Variants in RNF168 observed in about 807,000 individuals in gnomAD.
RNF168 encodes the protein ring finger protein 168.
Under a neutral mutation model 34.9 loss-of-function variants are expected in RNF168, and 34 were observed. The ratio of observed to expected loss-of-function variants is 0.97; its 90% CI spans 0.74 to 1.30. The LOEUF (loss-of-function observed/expected upper bound fraction) is 1.30, where lower values mean the gene tolerates loss of function less well. RNF168 is among the 50% of genes most tolerant of loss of function. The pLI, the probability that RNF168 is intolerant of heterozygous loss-of-function variation, is 0.00. For synonymous variants in RNF168, 264 were observed against 254.7 expected, an observed-to-expected ratio of 1.04 and a Z score of -0.35; for missense variants, 725 against 682.5, an observed-to-expected ratio of 1.06 and a Z score of -0.69.
At chr3:196,496,798 G>C (rs1053437811) in intron 1 of RNF168, among the ~76,000 whole-genome samples, 3 of 152,254 alleles carry the variant, frequency 2.0e-5, no homozygotes, top group East Asian at 1.9e-4. Context: ...GAGGTGAGCT[G>C]TTCAAGACCA....
intron 1 of RNF168, among the ~76,000 whole-genome samples, chr3:196,492,566 A>T (rs1732620861): frequency 6.6e-6 from 1 of 152,156 alleles, no homozygotes; most frequent in Non-Finnish European, 1.5e-5. Flanking sequence ...ACTTGAGGTC[A>T]GGAGTTCAAA....
Position 196,489,227 on chromosome 3 carries a change from A to G in RNF168, c.302-544T>C, listed in dbSNP as rs79262655. 8.3e-3 allele frequency among the ~76,000 whole-genome samples: 1,256 copies of G among 152,124 alleles called. 17 individuals carry two copies. Among genetic ancestry groups the G allele is most frequent in the African/African-American group, 0.028 (1,171 of 41,470 alleles). On this transcript the variant is annotated intron_variant, in intron 1 of 5. Transcript: ENST00000318037. Reference sequence around the variant, plus strand: ...AATGGCATATGAATGCATATACTTAACCCTTCCTCTAAACTCCATTAAAAT... The same window carrying G: ...AATGGCATATGAATGCATATACTTAGCCCTTCCTCTAAACTCCATTAAAAT...
chr3:196,486,623 C>T lies in RNF168; in HGVS notation c.558+776G>A, dbSNP rs143377480. On this transcript the variant is annotated intron_variant, in intron 3 of 5. Coordinates refer to ENST00000318037, the MANE Select transcript of RNF168 (RefSeq NM_152617.4). ...TACTGGGATTACAGGCCCGAGCCAT[C>T]GCACCCTGGCAAGAAAAAAGTTGTA... 4.1e-4 allele frequency among the ~76,000 whole-genome samples: 63 copies of T among 152,322 alleles called. No individual in the cohort carries two copies. The East Asian group carries it at 0.01, about 25-fold the overall frequency.
chr3:196,488,693 A>C lies in RNF168; in HGVS notation c.302-10T>G. The C allele has an allele frequency of 6.4e-7, 1 of 1,568,374 alleles. No homozygotes were observed. The highest frequency in any genetic ancestry group is 1.1e-5 in the South Asian group (1 of 89,720). ...GGCTGATAGTCATCAGCTATTTCAT[A>C]TCAAAAAAGAAAATAACATTATAGG... On this transcript the variant is annotated splice_polypyrimidine_tract_variant and intron_variant, in intron 1 of 5. Coordinates refer to ENST00000318037, the MANE Select transcript of RNF168 (RefSeq NM_152617.4).
chr3:196,500,720 T>TA (rs1203219570), intron 1 of RNF168, among the ~76,000 whole-genome samples: 1 of 151,690 alleles, frequency 6.6e-6, no homozygotes, highest in Non-Finnish European at 1.5e-5. Flanking sequence ...TACCACAATT[T>TA]TTTTTTTTTG....
Position 196,503,355 on chromosome 3 carries a change from A to C in RNF168, c.-182T>G. The C allele has an allele frequency of 3.1e-6, 2 of 641,972 alleles. No individual in the cohort carries two copies. Among genetic ancestry groups the C allele is most frequent in the South Asian group, 3.5e-5 (2 of 56,882 alleles). The allele number at this position is 641,972 out of a possible 1,614,324, so 39.8% of individuals were successfully genotyped here. On this transcript the variant is annotated 5_prime_UTR_variant, in exon 1 of 6. Transcript: ENST00000318037. ...GAAGCAAAAAGGCGCTCTCAGGGTC[A>C]GGCAAACAGGAATACCCCGGAGGGC... is the stretch of plus-strand genomic sequence containing the variant.
Position 196,494,448 on chromosome 3 carries a change from A to C in RNF168, c.302-5765T>G, listed in dbSNP as rs116117111. Among the ~76,000 whole-genome samples the C allele has an allele frequency of 6.8e-3, 1,040 of 152,312 alleles. 18 individuals are homozygous for C. The highest frequency in any genetic ancestry group is 0.023 in the African/African-American group (946 of 41,556). ...AAAATTCAAGTTAGTTAAAGACCTG[A>C]ATGTATAATACTGGATGAAAAATAA... On this transcript the variant is annotated intron_variant, in intron 1 of 5. Coordinates refer to ENST00000318037, the MANE Select transcript of RNF168 (RefSeq NM_152617.4).
At chr3:196,479,036 C>T (rs1038844993) in intron 4 of RNF168, among the ~76,000 whole-genome samples, 2 of 139,418 alleles carry the variant, frequency 1.4e-5, no homozygotes, top group Admixed American at 1.5e-4. Flanking sequence ...TTTGAGACGG[C>T]GTCTCACTCT....
At chr3:196,501,025 C>T (rs1732871757) in intron 1 of RNF168, among the ~76,000 whole-genome samples, 1 of 152,178 alleles carries the variant, frequency 6.6e-6, no homozygotes, top group African/African-American at 2.4e-5. Flanking sequence ...AATTTTTTGA[C>T]ACACAGAGTT....
In RNF168 at chr3:196,475,112, C is replaced by T. The variant is rs74802054; in HGVS notation, c.762+119G>A. On this transcript the variant is annotated intron_variant, in intron 5 of 5. Coordinates refer to ENST00000318037, the MANE Select transcript of RNF168 (RefSeq NM_152617.4). ...TTCTCTAGGTGAGCCTAAGAGGACT[C>T]AGACAGGGTGTTTGATTAACTATAG... is the stretch of plus-strand genomic sequence containing the variant. The T allele has an allele frequency of 6.9e-3, 4,815 of 701,986 alleles. 192 individuals are homozygous for T. Among genetic ancestry groups the T allele is most frequent in the South Asian group, 0.066 (4,304 of 64,760 alleles). 43.5% of individuals were successfully genotyped at this position (701,986 alleles called of 1,614,324 possible). A position where few individuals can be genotyped will look rare whatever the true frequency, so the allele number is the denominator to read the frequency against.
chr3:196,484,426 G>A (rs1325324301), intron 3 of RNF168, among the ~76,000 whole-genome samples: 19 of 148,334 alleles, frequency 1.3e-4, no homozygotes, highest in Admixed American at 6.7e-5. Context: ...TGCCTGCCTC[G>A]GCCTCCCAAA....
chr3:196,472,240 A>T lies in RNF168; in HGVS notation c.1295T>A (p.Leu432Ter), dbSNP rs755390477. 6.2e-7 allele frequency: 1 copy of T among 1,613,964 alleles called. No homozygotes were observed. Among genetic ancestry groups the T allele is most frequent in the African/African-American group, 1.3e-5 (1 of 74,920 alleles). ...EINFTQKLID[L>*]EHLLFERHKQ... The stretch of plus-strand genomic sequence containing the variant: ...ATGTCTCTCAAACAGTAGATGCTCC[A>T]AATCTATCAGTTTTTGGGTAAAGTT... Residue 432 changes from leucine to a stop codon, truncating the protein, a stop_gained, in exon 6 of 6, where the codon TTG becomes TAG. Transcript: ENST00000318037. LOFTEE classifies it low-confidence loss of function (END_TRUNC).
intron 1 of RNF168, among the ~76,000 whole-genome samples, chr3:196,494,693 A>G (rs1385190991): frequency 6.6e-6 from 1 of 152,206 alleles, no homozygotes; most frequent in Middle Eastern, 3.2e-3. Context: ...AGCAGTATGT[A>G]CATCAGTGTG....
intron 1 of RNF168, among the ~76,000 whole-genome samples, chr3:196,496,860 G>A (rs1320305021): frequency 6.6e-6 from 1 of 152,092 alleles, no homozygotes; most frequent in Non-Finnish European, 1.5e-5. Flanking sequence ...ATAAATATAC[G>A]GAGGACGGGC....
intron 1 of RNF168, among the ~76,000 whole-genome samples, chr3:196,492,572 T>C (rs896996456): frequency 7.9e-5 from 12 of 151,946 alleles, no homozygotes; most frequent in Non-Finnish European, 1.5e-4. Flanking sequence ...GGTCAGGAGT[T>C]CAAAACCAGC....
chr3:196,484,959 T>G (rs1732388729), intron 3 of RNF168, among the ~76,000 whole-genome samples: 1 of 152,216 alleles, frequency 6.6e-6, no homozygotes, highest in African/African-American at 2.4e-5. Context: ...CCCAGCCTGT[T>G]GATTTTTCTA....
chr3:196,501,982 G>A (rs80042085), intron 1 of RNF168, among the ~76,000 whole-genome samples: 9,611 of 141,620 alleles, frequency 0.068, 363 homozygotes, highest in Middle Eastern at 0.2. Flanking sequence ...GTTTAAAATG[G>A]CATTTTTTTA....
In RNF168 at chr3:196,487,519, T is replaced by A; in HGVS notation, c.438A>T (p.Ile146=). Reference sequence around the variant, plus strand: ...CTTCCTCCTCTGCCAACAACCTCTGTATGTATTCTTCACTGGCTTTGTTTT... The same window carrying A: ...CTTCCTCCTCTGCCAACAACCTCTGAATGTATTCTTCACTGGCTTTGTTTT... ...EEENKASEEY[I]QRLLAEEEEE... Residue 146 remains isoleucine (I), a synonymous_variant, in exon 3 of 6, where the codon ATA becomes ATT. Coordinates refer to ENST00000318037, the MANE Select transcript of RNF168 (RefSeq NM_152617.4). 1 of 1,614,174 alleles carries A rather than the reference T, an allele frequency of 6.2e-7. No individual in the cohort carries two copies. Among genetic ancestry groups the A allele is most frequent in the Admixed American group, 1.7e-5 (1 of 60,022 alleles).
intron 3 of RNF168, among the ~76,000 whole-genome samples, chr3:196,486,239 GACT>G (rs1198059799): frequency 5.9e-5 from 9 of 152,120 alleles, no homozygotes; most frequent in Admixed American, 3.9e-4. Flanking sequence ...GAATTAGATT[GACT>G]ACATGTAGTA....
Sources: allele counts gnomAD v4.1 joint callset (sites outside exome capture counted in the v4.1 genomes callset), GRCh38; gene constraint gnomAD v4.1.1; transcripts MANE v1.5; gene names NCBI Gene and HGNC (gene_info 2026-07-23, HGNC 2026-07-21).